C3orf20: variants seen among roughly 807,000 people sequenced by gnomAD.
C3orf20 encodes uncharacterized protein C3orf20.
A neutral mutation model predicts 88.3 loss-of-function variants in C3orf20; 76 were observed. The ratio of observed to expected loss-of-function variants is 0.86; its 90% CI spans 0.72 to 1.04. C3orf20 has a LOEUF of 1.04. Among genes scored for constraint, C3orf20 ranks in the 50% least tolerant of loss-of-function variants. The pLI is 0.00. For synonymous variants in C3orf20, 436 were observed against 437.4 expected, an observed-to-expected ratio of 1.00 and a Z score of 0.04; for missense variants, 1,056 against 1,123.3, an observed-to-expected ratio of 0.94 and a Z score of 0.86.
At chr3:14,737,904 C>G (rs1429534160) in intron 12 of C3orf20, among the ~76,000 whole-genome samples, 2 of 152,150 alleles carry the variant, frequency 1.3e-5, no homozygotes. Context: ...TAGATTCTAT[C>G]TCAACAAACC....
intron 12 of C3orf20, among the ~76,000 whole-genome samples, chr3:14,729,327 T>G (rs1256413970): frequency 6.6e-6 from 1 of 151,920 alleles, no homozygotes; most frequent in Non-Finnish European, 1.5e-5. Context: ...GGAACAGATG[T>G]GGGGAAGGAA....
chr3:14,705,066 A>G (rs2033442793), intron 7 of C3orf20, among the ~76,000 whole-genome samples: 1 of 152,170 alleles, frequency 6.6e-6, no homozygotes, highest in Non-Finnish European at 1.5e-5. Context: ...ACCTATCAAC[A>G]TCCTTGGAGC....
intron 1 of C3orf20, among the ~76,000 whole-genome samples, chr3:14,676,116 C>CT (rs11379457): frequency 0.29 from 39,133 of 133,928 alleles, 6,151 homozygotes; most frequent in Admixed American, 0.34. Flanking sequence ...TCCCCCCCGC[C>CT]TTTTTTTTTT....
intron 13 of C3orf20, 74 bp downstream of exon 13, chr3:14,757,748 C>A: frequency 7.0e-7 from 1 of 1,423,616 alleles, no homozygotes. Context: ...AAAACCCCCA[C>A]AGTGCTAGGA....
At chr3:14,698,854 T>G (rs907966270) in intron 5 of C3orf20, among the ~76,000 whole-genome samples, 1 of 152,188 alleles carries the variant, frequency 6.6e-6, no homozygotes, top group South Asian at 2.1e-4. Flanking sequence ...GTTCTTCCCT[T>G]TAGGGCAGAC....
intron 7 of C3orf20, among the ~76,000 whole-genome samples, chr3:14,706,897 C>T (rs893254289): frequency 2.0e-5 from 3 of 152,258 alleles, no homozygotes; most frequent in Admixed American, 2.0e-4. Context: ...CCATAGAACA[C>T]TGGGCTCAGC....
chr3:14,698,126 A>G (rs1291323956), intron 5 of C3orf20, among the ~76,000 whole-genome samples: 1 of 152,184 alleles, frequency 6.6e-6, no homozygotes, highest in Non-Finnish European at 1.5e-5. Flanking sequence ...TCCTTGAGGA[A>G]TCTCCACACT....
intron 9 of C3orf20, among the ~76,000 whole-genome samples, chr3:14,716,215 C>A (rs915396209): frequency 2.0e-5 from 3 of 152,168 alleles, no homozygotes; most frequent in Admixed American, 6.5e-5. Flanking sequence ...AGTTGAGAAT[C>A]ACCAATCAGA....
chr3:14,729,913 T>C (rs1184899353), intron 12 of C3orf20, among the ~76,000 whole-genome samples: 1 of 152,232 alleles, frequency 6.6e-6, no homozygotes, highest in African/African-American at 2.4e-5. Flanking sequence ...TTTCAAAAAA[T>C]ATAAAATGCA....
At chr3:14,715,606 T>C (rs896822446) in intron 9 of C3orf20, among the ~76,000 whole-genome samples, 197 bp downstream of exon 9, 1 of 152,250 alleles carries the variant, frequency 6.6e-6, no homozygotes, top group Non-Finnish European at 1.5e-5. Flanking sequence ...TGAAGGGAAC[T>C]TTTCACCAGC....
Position 14,704,549 on chromosome 3 carries a change from A to T in C3orf20, c.1091A>T (p.Gln364Leu), listed in dbSNP as rs1229120585. The T allele has an allele frequency of 6.2e-7, 1 of 1,614,098 alleles. No individual in the cohort carries two copies. The highest frequency in any genetic ancestry group is 8.5e-7 in the Non-Finnish European group (1 of 1,180,020). ...SANHHFSQHC[Q>L]EGKAPKKAFK... ...AACCATCATTTCAGTCAGCATTGTCAAGAGGGGAAGGCACCCAAGAAGGCC... is the reference window on the plus strand; with the variant it reads ...AACCATCATTTCAGTCAGCATTGTCTAGAGGGGAAGGCACCCAAGAAGGCC... The change falls in exon 7 of 17, where the codon CAA (glutamine) becomes CTA (leucine). Residue 364 changes from glutamine (Q) to leucine (L), a missense_variant. Gln to Leu is a moderately radical substitution (Grantham distance 113, BLOSUM62 -2). Coordinates refer to ENST00000253697, the MANE Select transcript of C3orf20 (RefSeq NM_032137.5).
intron 10 of C3orf20, among the ~76,000 whole-genome samples, chr3:14,726,608 A>G (rs979272472): frequency 1.3e-5 from 2 of 152,236 alleles, no homozygotes; most frequent in South Asian, 2.1e-4. Flanking sequence ...GTCACTTGGC[A>G]AAGTGCTAAC....
intron 12 of C3orf20, among the ~76,000 whole-genome samples, chr3:14,747,798 T>C (rs1171952130): frequency 6.6e-6 from 1 of 151,982 alleles, no homozygotes. Context: ...TTTTAAAAAA[T>C]GTTGAGGCTA....
At position 14,721,746 on chromosome 3, in the gene C3orf20, G is replaced by A. The variant is rs533425035; in HGVS notation, c.1528G>A (p.Ala510Thr). 3.1e-6 allele frequency: 5 copies of A among 1,614,150 alleles called. No individual in the cohort carries two copies. The highest frequency in any genetic ancestry group is 4.2e-6 in the Non-Finnish European group (5 of 1,180,024). ...TGAGACAGTAACACTCACTGTGTCG[G>A]CCAACAATTGTCCCCATGGAATGGC... ...LNETVTLTVS[A>T]NNCPHGMAYD... Residue 510 changes from alanine to threonine, a missense_variant, in exon 10 of 17, where the codon GCC (alanine) becomes ACC (threonine). Transcript: ENST00000253697.
rs763485821 is a variant in C3orf20, at chr3:14,682,856, A to G, written c.143A>G (p.Glu48Gly). 13 of 1,614,090 alleles carry G rather than the reference A, an allele frequency of 8.1e-6. No homozygotes were observed. The Admixed American group carries it at 2.0e-4, about 25-fold the overall frequency. The stretch of plus-strand genomic sequence containing the variant: ...CCAAAAGGCATCAGAAACATCTTTG[A>G]GTTCACTTGGGAAGAGCTCATCAGT... ...SVPKGIRNIF[E>G]FTWEELISDP... The change falls in exon 3 of 17, where the codon GAG becomes GGG. Residue 48 changes from glutamate to glycine, a missense_variant. Physicochemically the swap from Glu to Gly is moderately conservative, Grantham distance 98. Transcript: ENST00000253697.
Position 14,772,228 on chromosome 3 carries a change from T to C in C3orf20, c.2630+27T>C. 1 of 1,614,108 alleles carries C rather than the reference T, an allele frequency of 6.2e-7. No individual in the cohort carries two copies. The highest frequency in any genetic ancestry group is 8.5e-7 in the Non-Finnish European group (1 of 1,179,994). On this transcript the variant is annotated intron_variant, in intron 16 of 16. Transcript: ENST00000253697. The surrounding 1 kb of genome is among the most constrained non-coding windows in gnomAD (Gnocchi z 4.2). ...TAGGTGACCACATCAGCTGCCAGAA[T>C]GGGCGTGGCTCACAGCAGGCCACCT...
At chr3:14,697,591 G>T (rs2033063777) in intron 5 of C3orf20, among the ~76,000 whole-genome samples, 1 of 151,746 alleles carries the variant, frequency 6.6e-6, no homozygotes, top group African/African-American at 2.4e-5. Flanking sequence ...TAGGGTACAT[G>T]TGCACAATGT....
chr3:14,700,730 T>C (rs1266432275), intron 5 of C3orf20, among the ~76,000 whole-genome samples: 1 of 152,256 alleles, frequency 6.6e-6, no homozygotes, highest in African/African-American at 2.4e-5. Flanking sequence ...GCCTCATAGC[T>C]CGTAAGTAAC....
chr3:14,772,084 T>C lies in C3orf20; in HGVS notation c.2513T>C (p.Leu838Pro), dbSNP rs768641409. 3.7e-6 allele frequency: 6 copies of C among 1,614,092 alleles called. No homozygotes were observed. In the Admixed American group the frequency reaches 1.0e-4, roughly 27 times the overall value. The change falls in exon 16 of 17, where the codon CTG (leucine) becomes CCG (proline). Residue 838 changes from leucine to proline, a missense_variant. Coordinates refer to ENST00000253697, the MANE Select transcript of C3orf20 (RefSeq NM_032137.5). The surrounding 1 kb of genome is among the most constrained non-coding windows in gnomAD (Gnocchi z 4.2). ...CCCTGCAGTGTTCCCAACTCTGTCC[T>C]GAGCCTGGAGGATTCTGAATCAGTC... is the stretch of plus-strand genomic sequence containing the variant. ...DYKFSVPNSV[L>P]SLEDSESVKK...
Sources: allele counts gnomAD v4.1 joint callset (sites outside exome capture counted in the v4.1 genomes callset), GRCh38; gene constraint gnomAD v4.1.1; non-coding constraint Gnocchi (gnomAD v3.1); transcripts MANE v1.5; gene names NCBI Gene and HGNC (gene_info 2026-07-23, HGNC 2026-07-21).